The following RBFOX1 variants were observed in gnomAD, a reference collection of about 807,000 sequenced individuals.
RBFOX1 encodes the protein RNA binding protein fox-1 homolog 1.
A neutral mutation model predicts 57.7 loss-of-function variants in RBFOX1; 8 were observed. That is an observed-to-expected ratio of 0.14 (90% CI 0.08 to 0.25). RBFOX1 has a LOEUF of 0.25. Among genes scored for constraint, RBFOX1 ranks in the 10% least tolerant of loss-of-function variants. RBFOX1 has a pLI of 1.00. For missense variants in RBFOX1, 611 were observed against 548.5 expected (o/e 1.11, Z -1.14); for synonymous variants, 326 against 222.4 (o/e 1.47, Z -4.15).
intron 2 of RBFOX1, among the ~76,000 whole-genome samples, chr16:6,599,791 C>G (rs73538050): frequency 0.071 from 10,850 of 152,160 alleles, 1,341 homozygotes; most frequent in African/African-American, 0.25. Context: ...ACCTTCAGTT[C>G]TGTATTTCTG....
At chr16:7,374,298 G>A (rs2097643083) in intron 4 of RBFOX1, among the ~76,000 whole-genome samples, 2 of 152,102 alleles carry the variant, frequency 1.3e-5, no homozygotes, top group South Asian at 2.1e-4. Context: ...GGGGAATAGC[G>A]GAATGTCCTT....
At chr16:5,906,225 G>C (rs1047161597) in intron 4 of RBFOX1, among the ~76,000 whole-genome samples, 3 of 152,146 alleles carry the variant, frequency 2.0e-5, no homozygotes, top group African/African-American at 7.2e-5. Flanking sequence ...GGTTCTTGTA[G>C]ATACAATTAG....
At chr16:7,377,391 C>T (rs1043296056) in intron 4 of RBFOX1, among the ~76,000 whole-genome samples, 20 of 152,080 alleles carry the variant, frequency 1.3e-4, no homozygotes, top group African/African-American at 4.6e-4. Context: ...TTACCTTATT[C>T]GTATGTCATT....
Position 6,229,499 on chromosome 16 carries a change from G to A in RBFOX1, c.-126-87496G>A, listed in dbSNP as rs74006969. Among the ~76,000 whole-genome samples the A allele has an allele frequency of 2.9e-3, 448 of 152,236 alleles. 1 individual carries two copies. The highest frequency in any genetic ancestry group is 9.8e-3 in the African/African-American group (408 of 41,550). ...ACAATGATGTTTGTGAGCATTAAGT[G>A]ACGCAAACACAATAAAGGATTTTGC... On this transcript the variant is annotated intron_variant, in intron 1 of 15. Transcript: ENST00000550418.
intron 3 of RBFOX1, among the ~76,000 whole-genome samples, chr16:5,823,729 T>C (rs2055937337): frequency 6.6e-6 from 1 of 152,132 alleles, no homozygotes; most frequent in Non-Finnish European, 1.5e-5. Flanking sequence ...GGTTGCATGC[T>C]CCTTATGAGA....
At chr16:6,959,504 T>C (rs1175734230) in intron 3 of RBFOX1, among the ~76,000 whole-genome samples, 2 of 151,234 alleles carry the variant, frequency 1.3e-5, no homozygotes, top group East Asian at 1.9e-4. Flanking sequence ...TTTTATTTTT[T>C]ATTTTTTACC....
intron 1 of RBFOX1, among the ~76,000 whole-genome samples, chr16:5,287,341 A>C (rs1468086511): frequency 6.6e-6 from 1 of 152,094 alleles, no homozygotes; most frequent in Non-Finnish European, 1.5e-5. Context: ...GTTGGAGAAG[A>C]AAGTATTTCT....
chr16:6,717,170 T>A (rs1342962155), intron 3 of RBFOX1, among the ~76,000 whole-genome samples: 2 of 152,074 alleles, frequency 1.3e-5, no homozygotes, highest in Non-Finnish European at 2.9e-5. Context: ...GCACGGTCTA[T>A]GGTATTGTGT....
At chr16:6,081,673 A>T (rs74004724) in intron 1 of RBFOX1, among the ~76,000 whole-genome samples, 6,482 of 152,234 alleles carry the variant, frequency 0.043, 274 homozygotes, top group African/African-American at 0.088. Flanking sequence ...TTATTTATTT[A>T]TTTTTGAAAC....
chr16:5,962,626 G>A (rs1022092341), intron 4 of RBFOX1, among the ~76,000 whole-genome samples: 2 of 152,076 alleles, frequency 1.3e-5, no homozygotes, highest in Non-Finnish European at 2.9e-5. Flanking sequence ...CTGAGCAAAT[G>A]TTGTTTATGA....
At chr16:6,847,080 C>T (rs1315034681) in intron 3 of RBFOX1, among the ~76,000 whole-genome samples, 4 of 152,132 alleles carry the variant, frequency 2.6e-5, no homozygotes, top group South Asian at 4.1e-4. Context: ...AGCATCTTTC[C>T]TTCCCAGAGA....
intron 2 of RBFOX1, among the ~76,000 whole-genome samples, chr16:5,580,477 A>T (rs2046628057): frequency 1.3e-5 from 2 of 152,168 alleles, no homozygotes; most frequent in Admixed American, 6.5e-5. Context: ...CGCCTGGGTG[A>T]CTTGGATGCC....
intron 4 of RBFOX1, among the ~76,000 whole-genome samples, chr16:5,996,310 A>G (rs2060489566): frequency 6.6e-6 from 1 of 152,170 alleles, no homozygotes; most frequent in Non-Finnish European, 1.5e-5. Context: ...TGTAGACTCC[A>G]CAGAAGGCAT....
chr16:5,534,332 C>T (rs571570722), intron 2 of RBFOX1, among the ~76,000 whole-genome samples: 13 of 152,214 alleles, frequency 8.5e-5, no homozygotes, highest in South Asian at 4.1e-4. Flanking sequence ...TTGACTCATA[C>T]GATCAGAAAG....
chr16:6,951,768 C>G (rs1053141694), intron 3 of RBFOX1, among the ~76,000 whole-genome samples: 2 of 152,124 alleles, frequency 1.3e-5, no homozygotes, highest in African/African-American at 2.4e-5. Flanking sequence ...GAGTCTCGCT[C>G]TTTCGCCCAG....
chr16:7,539,046 G>T (rs12445792), intron 5 of RBFOX1, among the ~76,000 whole-genome samples: 3 of 151,934 alleles, frequency 2.0e-5, no homozygotes, highest in Non-Finnish European at 2.9e-5. Flanking sequence ...GCTCAGCCTT[G>T]GCATTTGCTA....
At chr16:6,951,450 A>G (rs2080743442) in intron 3 of RBFOX1, among the ~76,000 whole-genome samples, 1 of 152,178 alleles carries the variant, frequency 6.6e-6, no homozygotes, top group Non-Finnish European at 1.5e-5. Flanking sequence ...AGCTCACTTA[A>G]TCAGGAGCTT....
rs58261557 is a variant in RBFOX1 at position 6,253,899 on chromosome 16, G to C, written c.-126-63096G>C. On this transcript the variant is annotated intron_variant, in intron 1 of 15. Coordinates refer to ENST00000550418, the MANE Select transcript of RBFOX1 (RefSeq NM_018723.4). ...AGCAGCCCCGTCACAACAGCAATTG[G>C]AATAAAACCCCAAAGAGTAGTGCAG... Among the ~76,000 whole-genome samples the C allele has an allele frequency of 7.1e-3, 1,085 of 152,048 alleles. 11 individuals carry two copies. Among genetic ancestry groups the C allele is most frequent in the African/African-American group, 0.025 (1,025 of 41,502 alleles).
At chr16:5,770,860 A>T (rs1348693260) in intron 3 of RBFOX1, among the ~76,000 whole-genome samples, 1 of 152,054 alleles carries the variant, frequency 6.6e-6, no homozygotes, top group Non-Finnish European at 1.5e-5. Context: ...TGATCACGGC[A>T]CTCTTTTTCT....
Sources: allele counts gnomAD v4.1 joint callset (sites outside exome capture counted in the v4.1 genomes callset), GRCh38; gene constraint gnomAD v4.1.1; transcripts MANE v1.5; gene names NCBI Gene and HGNC (gene_info 2026-07-23, HGNC 2026-07-21).